Variants in CLYBL observed in about 807,000 individuals in gnomAD.
CLYBL encodes the protein citramalyl-CoA lyase.
CLYBL carries 31 observed loss-of-function variants against 38.9 expected under a neutral mutation model. The observed-to-expected ratio is 0.80, with a 90% CI of 0.60 to 1.08. The LOEUF (loss-of-function observed/expected upper bound fraction) is 1.08, where lower values mean the gene tolerates loss of function less well. CLYBL is among the 50% of genes least tolerant of loss of function. The pLI, the probability that CLYBL is intolerant of heterozygous loss-of-function variation, is 0.00. For missense variants in CLYBL, 434 were observed against 411.6 expected (o/e 1.05, Z -0.47); for synonymous variants, 171 against 158.6 (o/e 1.08, Z -0.59).
At chr13:99,629,648 A>C (rs1299465179) in intron 1 of CLYBL, among the ~76,000 whole-genome samples, 3 of 152,118 alleles carry the variant, frequency 2.0e-5, no homozygotes, top group African/African-American at 7.2e-5. Context: ...CCACAGAGGG[A>C]AGGGTAGGCC....
chr13:99,819,446 ATATATATATATATATAT>A lies in CLYBL; in HGVS notation c.250-39414_250-39398del, dbSNP rs1566340180. On this transcript the variant is annotated intron_variant, in intron 2 of 8. Transcript: ENST00000339105. ...TATATATATATATATATATATATAT[ATATATATATATATATAT>A]ATATAATATTTGTCAGGGTTGTCTG... Among the ~76,000 whole-genome samples the A allele has an allele frequency of 2.9e-3, 244 of 85,324 alleles. 8 individuals carry two copies. Among genetic ancestry groups the A allele is most frequent in the African/African-American group, 0.01 (235 of 23,288 alleles). 56.0% of individuals were successfully genotyped at this position (85,324 alleles called of 152,430 possible). A position where few individuals can be genotyped will look rare whatever the true frequency, so the allele number is the denominator to read the frequency against.
At chr13:99,615,687 T>G (rs368026967) in intron 1 of CLYBL, among the ~76,000 whole-genome samples, 1 of 152,232 alleles carries the variant, frequency 6.6e-6, no homozygotes, top group East Asian at 1.9e-4. Context: ...GCTACTTGAA[T>G]GTGTTATAGC....
intron 2 of CLYBL, among the ~76,000 whole-genome samples, chr13:99,848,080 T>C (rs1015317978): frequency 1.3e-5 from 2 of 152,124 alleles, no homozygotes; most frequent in Non-Finnish European, 2.9e-5. Flanking sequence ...GCCCTGCTGC[T>C]GTCCTTTGCC....
At chr13:99,657,164 G>A (rs2047341757) in intron 1 of CLYBL, among the ~76,000 whole-genome samples, 1 of 152,184 alleles carries the variant, frequency 6.6e-6, no homozygotes, top group Non-Finnish European at 1.5e-5. Flanking sequence ...AGGTTAACCT[G>A]TATACTGCAG....
At position 99,808,052 on chromosome 13, in the gene CLYBL, G is replaced by C. The variant is rs57350949; in HGVS notation, c.249+35042G>C. 7.4e-3 allele frequency among the ~76,000 whole-genome samples: 1,129 copies of C among 152,098 alleles called. 13 individuals are homozygous for C. Among genetic ancestry groups the C allele is most frequent in the African/African-American group, 0.025 (1,052 of 41,504 alleles). ...TCATGGCAACCTTGGGAAGGTTCAG[G>C]ATCCTCTTGGTTTTTGTTTTTGTTT... On this transcript the variant is annotated intron_variant, in intron 2 of 8. Transcript: ENST00000339105.
intron 9 of CLYBL, among the ~76,000 whole-genome samples, chr13:99,907,319 T>C (rs2052707246): frequency 6.6e-6 from 1 of 152,178 alleles, no homozygotes; most frequent in Non-Finnish European, 1.5e-5. Context: ...AAGGTTTCTT[T>C]TGAGCCTGAA....
chr13:99,737,906 G>A (rs753322935), intron 1 of CLYBL, among the ~76,000 whole-genome samples: 2 of 152,086 alleles, frequency 1.3e-5, no homozygotes, highest in Non-Finnish European at 2.9e-5. Flanking sequence ...TGGCTTATAT[G>A]CAATTACATA....
chr13:99,818,479 A>G (rs1033311046), intron 2 of CLYBL, among the ~76,000 whole-genome samples: 2 of 148,388 alleles, frequency 1.3e-5, no homozygotes, highest in African/African-American at 4.9e-5. Context: ...ACACACACAC[A>G]CACACGGACA....
chr13:99,781,223 TGCA>T (rs1282697317), intron 2 of CLYBL, among the ~76,000 whole-genome samples: 2 of 151,904 alleles, frequency 1.3e-5, no homozygotes, highest in Non-Finnish European at 2.9e-5. Context: ...CAGGCTGGAG[TGCA>T]GTGGTGCGAT....
At chr13:99,706,443 A>G (rs1188399122) in intron 1 of CLYBL, among the ~76,000 whole-genome samples, 1 of 152,142 alleles carries the variant, frequency 6.6e-6, no homozygotes, top group African/African-American at 2.4e-5. Context: ...TCAAGGTCAC[A>G]GTCAGGTAGG....
At chr13:99,855,416 G>T in intron 2 of CLYBL, among the ~76,000 whole-genome samples, 1 of 152,256 alleles carries the variant, frequency 6.6e-6, no homozygotes, top group African/African-American at 2.4e-5. Context: ...GAGAGCTGGG[G>T]TCAGCCAGGC....
chr13:99,740,209 T>C (rs1258850252), intron 1 of CLYBL, among the ~76,000 whole-genome samples: 1 of 152,226 alleles, frequency 6.6e-6, no homozygotes, highest in African/African-American at 2.4e-5. Context: ...TGGCATTAGT[T>C]CTATGATTCT....
At position 99,772,922 on chromosome 13, in the gene CLYBL, A is replaced by G; in HGVS notation, c.161A>G (p.Asn54Ser). Residue 54 changes from asparagine (N) to serine (S), a missense_variant, in exon 2 of 9, where the codon AAT becomes AGT. By Grantham distance (46) the Asn-to-Ser change is conservative (BLOSUM62 1). Coordinates refer to ENST00000339105, the MANE Select transcript of CLYBL (RefSeq NM_206808.5). ...PRRAVLYVPG[N>S]DEKKIKKIPS... ...AGGGCAGTGCTTTATGTACCTGGAA[A>G]TGATGAAAAGAAAATAAAGAAGATT... 6.2e-7 allele frequency: 1 copy of G among 1,614,006 alleles called. No individual in the cohort carries two copies. Among genetic ancestry groups the G allele is most frequent in the South Asian group, 1.1e-5 (1 of 91,040 alleles).
intron 2 of CLYBL, among the ~76,000 whole-genome samples, chr13:99,786,983 G>C (rs4505173): frequency 0.81 from 122,435 of 151,912 alleles, 50,068 homozygotes; most frequent in African/African-American, 0.94. Flanking sequence ...TTTCATGTGT[G>C]TGTTGGCTGC....
intron 1 of CLYBL, among the ~76,000 whole-genome samples, chr13:99,671,045 A>G (rs972643368): frequency 6.6e-6 from 1 of 152,098 alleles, no homozygotes; most frequent in Non-Finnish European, 1.5e-5. Flanking sequence ...CCCTTATGAC[A>G]CACCGGTCTC....
chr13:99,666,693 T>C (rs1461094819), intron 1 of CLYBL, among the ~76,000 whole-genome samples: 1 of 151,298 alleles, frequency 6.6e-6, no homozygotes, highest in Non-Finnish European at 1.5e-5. Context: ...TTTTTCATTA[T>C]GCACACATGG....
chr13:99,657,268 C>A (rs899110879), intron 1 of CLYBL, among the ~76,000 whole-genome samples: 27 of 152,182 alleles, frequency 1.8e-4, no homozygotes, highest in African/African-American at 6.5e-4. Flanking sequence ...TGCGTTTGAA[C>A]CTTTGATCCG....
chr13:99,870,826 A>T, intron 6 of CLYBL, 112 bp from the exon 7 acceptor site: 1 of 1,065,166 alleles, frequency 9.4e-7, no homozygotes, highest in Non-Finnish European at 1.3e-6. Context: ...GTTTTAAATT[A>T]GTTATTTAAC....
At chr13:99,858,026 A>G (rs1159063403) in intron 2 of CLYBL, among the ~76,000 whole-genome samples, 1 of 152,132 alleles carries the variant, frequency 6.6e-6, no homozygotes, top group Non-Finnish European at 1.5e-5. Flanking sequence ...TCTTGACTCC[A>G]GCCTCACCCT....
Sources: gnomAD v4.1 joint callset for allele counts (sites outside exome capture counted in the v4.1 genomes callset) on GRCh38, gnomAD v4.1.1 for gene constraint, MANE v1.5 for transcripts, NCBI Gene and HGNC (gene_info 2026-07-23, HGNC 2026-07-21) for gene names.